Variants in CALN1 observed in about 807,000 individuals in gnomAD.
The protein encoded by CALN1 is calcium-binding protein 8.
A neutral mutation model predicts 30.6 loss-of-function variants in CALN1; 17 were observed. The ratio of observed to expected loss-of-function variants is 0.56; its 90% CI spans 0.38 to 0.83. CALN1 has a LOEUF of 0.83. Among genes scored for constraint, CALN1 ranks in the 40% least tolerant of loss-of-function variants. CALN1 has a pLI of 0.00. For synonymous variants in CALN1, 156 were observed against 131.4 expected (o/e 1.19, Z -1.28); for missense variants, 291 against 354.9 (o/e 0.82, Z 1.45).
At chr7:71,854,471 A>T (rs539197689) in intron 5 of CALN1, among the ~76,000 whole-genome samples, 1 of 152,332 alleles carries the variant, frequency 6.6e-6, no homozygotes, top group Non-Finnish European at 1.5e-5. Flanking sequence ...TTATTTTAAG[A>T]GGAAAGAAAA....
rs1047688776 is a variant in CALN1 at position 71,779,700 on chromosome 7, T to C, written c.*8075A>G. 4 of 152,198 alleles carry C rather than the reference T, an allele frequency of 2.6e-5. No homozygotes were observed. The highest frequency in any genetic ancestry group is 7.2e-5 in the African/African-American group (3 of 41,444). The allele number at this position is 152,198 out of a possible 1,614,324, so 9.4% of individuals were successfully genotyped here. A position where few individuals can be genotyped will look rare whatever the true frequency, so the allele number is the denominator to read the frequency against. On this transcript the variant is annotated 3_prime_UTR_variant, in exon 7 of 7. Transcript: ENST00000395275. Reference sequence around the variant, plus strand: ...CATGCTAAGTTAATTTATATTAATATGTACATTTTATATAAAGATTCTTTT... The same window carrying C: ...CATGCTAAGTTAATTTATATTAATACGTACATTTTATATAAAGATTCTTTT...
intron 4 of CALN1, among the ~76,000 whole-genome samples, chr7:72,089,920 A>G (rs1805738925): frequency 6.6e-6 from 1 of 152,238 alleles, no homozygotes; most frequent in African/African-American, 2.4e-5. Flanking sequence ...GCCTTGTAGC[A>G]TAGAGCCAGT....
At chr7:72,401,197 G>A (rs1417497164) in intron 2 of CALN1, among the ~76,000 whole-genome samples, 2 of 152,180 alleles carry the variant, frequency 1.3e-5, no homozygotes, top group Admixed American at 6.5e-5. Context: ...TTACCTGAAG[G>A]AGGTTCCCAA....
intron 3 of CALN1, among the ~76,000 whole-genome samples, chr7:72,166,587 A>AC (rs1788540495): frequency 6.6e-6 from 1 of 152,218 alleles, no homozygotes; most frequent in African/African-American, 2.4e-5. Flanking sequence ...CTAATTGATA[A>AC]AACTAACAAC....
At chr7:72,150,973 C>A (rs992003806) in intron 3 of CALN1, among the ~76,000 whole-genome samples, 8 of 152,226 alleles carry the variant, frequency 5.3e-5, no homozygotes, top group African/African-American at 1.9e-4. Flanking sequence ...GCCTTAGGCA[C>A]TATCTACCAG....
At chr7:72,163,095 C>T (rs1370852549) in intron 3 of CALN1, among the ~76,000 whole-genome samples, 2 of 152,100 alleles carry the variant, frequency 1.3e-5, no homozygotes, top group East Asian at 3.9e-4. Context: ...GTTTGGGGTT[C>T]AAATCTTGTC....
chr7:71,976,689 T>C (rs925581739), intron 5 of CALN1, among the ~76,000 whole-genome samples: 7 of 152,202 alleles, frequency 4.6e-5, no homozygotes, highest in African/African-American at 1.7e-4. Flanking sequence ...AAACCAAAAG[T>C]GAATGGAAAT....
At chr7:72,116,513 T>A (rs1290839182) in intron 3 of CALN1, among the ~76,000 whole-genome samples, 1 of 152,164 alleles carries the variant, frequency 6.6e-6, no homozygotes, top group Non-Finnish European at 1.5e-5. Flanking sequence ...AGAGAGGCCC[T>A]TCAAAGAGGG....
chr7:72,336,074 T>C lies in CALN1; in HGVS notation c.120-57264A>G, dbSNP rs1389407909. ...CTCAGAGACTAGGTCCCAGCCGGAC[T>C]GCAGAGGCCTCTCTGGTTACCCCTT... On this transcript the variant is annotated intron_variant, in intron 2 of 6. Transcript: ENST00000395275. 4.6e-5 allele frequency among the ~76,000 whole-genome samples: 7 copies of C among 152,286 alleles called. No individual in the cohort carries two copies. In the East Asian group the frequency reaches 1.4e-3, roughly 30 times the overall value.
At chr7:72,492,825 G>A in the CALN1 span, among the ~76,000 whole-genome samples, 50 of 152,320 alleles carry the variant, frequency 3.3e-4, no homozygotes, top group South Asian at 5.6e-3. Context: ...ATGCATCCCT[G>A]CTGGCACATG....
At chr7:72,201,738 A>T (rs73141585) in intron 3 of CALN1, among the ~76,000 whole-genome samples, 5,822 of 92,932 alleles carry the variant, frequency 0.063, 333 homozygotes, top group African/African-American at 0.21. Flanking sequence ...GAATCTGATT[A>T]AAAAAAAAAA....
rs748908088 is a variant in CALN1, at chr7:72,106,144, G to A, written c.388+7C>T. 2.5e-6 allele frequency: 4 copies of A among 1,612,918 alleles called. No individual in the cohort carries two copies. The highest frequency in any genetic ancestry group is 3.4e-6 in the Non-Finnish European group (4 of 1,179,572). On this transcript the variant is annotated splice_region_variant and intron_variant, in intron 4 of 6. Coordinates refer to ENST00000395275, the MANE Select transcript of CALN1 (RefSeq NM_031468.4). Reference sequence around the variant, plus strand: ...CTCAGGGGAGAAGCTGCTTGTCCGGGTCTTACCGTCCATGTCCAAGCGCTG... The same window carrying A: ...CTCAGGGGAGAAGCTGCTTGTCCGGATCTTACCGTCCATGTCCAAGCGCTG...
intron 3 of CALN1, among the ~76,000 whole-genome samples, chr7:72,156,939 G>T (rs182935324): frequency 3.3e-5 from 5 of 152,312 alleles, no homozygotes; most frequent in African/African-American, 9.6e-5. Flanking sequence ...GTGTTGAGAG[G>T]ATGCCAGGAT....
intron 2 of CALN1, among the ~76,000 whole-genome samples, chr7:72,379,815 T>C (rs1221603875): frequency 6.6e-6 from 1 of 152,180 alleles, no homozygotes; most frequent in African/African-American, 2.4e-5. Context: ...TTAATATGAC[T>C]CTGATGTTAG....
chr7:71,847,776 G>GAAGAAGAAGAAGA (rs1790380535), intron 5 of CALN1, among the ~76,000 whole-genome samples: 1 of 66,860 alleles, frequency 1.5e-5, no homozygotes, highest in East Asian at 4.5e-4. Flanking sequence ...GAAGAAGAAA[G>GAAGAAGAAGAAGA]AAGAAGAAGA....
At chr7:72,148,828 C>T (rs775398047) in intron 3 of CALN1, among the ~76,000 whole-genome samples, 1 of 151,722 alleles carries the variant, frequency 6.6e-6, no homozygotes, top group Non-Finnish European at 1.5e-5. Flanking sequence ...TCATTGGAAC[C>T]CTGAGATGGA....
chr7:71,810,282 G>A, intron 6 of CALN1, 54 bp downstream of exon 6: 1 of 1,570,486 alleles, frequency 6.4e-7, no homozygotes, highest in South Asian at 1.2e-5. Context: ...TATAGAGAGT[G>A]TGGTGCATTG....
At chr7:72,215,892 C>T (rs1282732268) in intron 3 of CALN1, among the ~76,000 whole-genome samples, 1 of 152,160 alleles carries the variant, frequency 6.6e-6, no homozygotes, top group Non-Finnish European at 1.5e-5. Context: ...CTACCCAACA[C>T]AGGATTCCTC....
At chr7:71,893,466 CG>C (rs1377932946) in intron 5 of CALN1, among the ~76,000 whole-genome samples, 2 of 152,024 alleles carry the variant, frequency 1.3e-5, no homozygotes, top group African/African-American at 2.4e-5. Context: ...GCAAGGTGAG[CG>C]GATCACTTGA....
Sources: gnomAD v4.1 joint callset for allele counts (sites outside exome capture counted in the v4.1 genomes callset) on GRCh38, gnomAD v4.1.1 for gene constraint, MANE v1.5 for transcripts, NCBI Gene and HGNC (gene_info 2026-07-23, HGNC 2026-07-21) for gene names.